The following DGCR2 variants were observed in gnomAD, a reference collection of about 807,000 sequenced individuals.
DGCR2 encodes the protein integral membrane protein DGCR2/IDD.
In DGCR2, 24 loss-of-function variants were observed where a neutral mutation model predicts 51.6. The ratio of observed to expected loss-of-function variants is 0.47; its 90% CI spans 0.34 to 0.65. The LOEUF is 0.65. Among genes scored for constraint, DGCR2 ranks in the 30% least tolerant of loss-of-function variants. DGCR2 has a pLI of 0.01. For missense variants in DGCR2, 765 were observed against 772.1 expected (o/e 0.99, Z 0.11); for synonymous variants, 340 against 315.4 (o/e 1.08, Z -0.82).
rs144845329 is a variant in DGCR2 at position 19,095,737 on chromosome 22, C to CTTTTT, written c.80-6252_80-6248dup. ...ATAAGTCAATTATACCTCAATAAGGCTTTTTTTAACTATCATGAAATAGAT... is the reference window on the plus strand; with the variant it reads ...ATAAGTCAATTATACCTCAATAAGGCTTTTTTTTTTTTAACTATCATGAAATAGAT... On this transcript the variant is annotated intron_variant, in intron 1 of 9. Coordinates refer to ENST00000263196, the MANE Select transcript of DGCR2 (RefSeq NM_005137.3). Among the ~76,000 whole-genome samples, 163 of 149,760 alleles carry CTTTTT rather than the reference C, an allele frequency of 1.1e-3. 2 individuals are homozygous for CTTTTT. The South Asian group carries it at 0.024, about 22-fold the overall frequency.
At chr22:19,118,785 ATT>A (rs2083400582) in intron 1 of DGCR2, among the ~76,000 whole-genome samples, 1 of 152,188 alleles carries the variant, frequency 6.6e-6, no homozygotes, top group East Asian at 1.9e-4. Flanking sequence ...TCATGATATA[ATT>A]TTGTTTCACA....
chr22:19,064,886 G>A lies in DGCR2; in HGVS notation c.510C>T (p.Asp170=). The A allele has an allele frequency of 6.2e-7, 1 of 1,613,910 alleles. No homozygotes were observed. Among genetic ancestry groups the A allele is most frequent in the Non-Finnish European group, 8.5e-7 (1 of 1,180,030 alleles). The change falls in exon 4 of 10, where the codon GAC becomes GAT. Residue 170 remains aspartate, a synonymous_variant. Coordinates refer to ENST00000263196, the MANE Select transcript of DGCR2 (RefSeq NM_005137.3). ...TCCAACCAAAGCTCCGCTCGGGCTG[G>A]TCCCATTCCTGGGCCAGGACAAAGC... is the stretch of plus-strand genomic sequence containing the variant. ...ELRFVLAQEW[D]QPERSFGWKD...
At chr22:19,084,293 G>A (rs867544535) in intron 2 of DGCR2, among the ~76,000 whole-genome samples, 17 of 151,324 alleles carry the variant, frequency 1.1e-4, no homozygotes, top group African/African-American at 1.7e-4. Context: ...CTGCCCGGCC[G>A]CCCATCATCT....
In DGCR2 at chr22:19,070,230, G is replaced by T. The variant is rs547421619; in HGVS notation, c.203-2005C>A. Reference sequence around the variant, plus strand: ...CCACTAGGATGGGGCATCAGCACTTGGTGGAGAAGGGAAGAGCCACCTGAG... The same window carrying T: ...CCACTAGGATGGGGCATCAGCACTTTGTGGAGAAGGGAAGAGCCACCTGAG... On this transcript the variant is annotated intron_variant, in intron 2 of 9. Transcript: ENST00000263196. Among the ~76,000 whole-genome samples the T allele has an allele frequency of 1.4e-4, 21 of 152,318 alleles. No individual in the cohort carries two copies. The South Asian group carries it at 3.5e-3, about 26-fold the overall frequency.
chr22:19,114,717 C>A (rs2083355524), intron 1 of DGCR2, among the ~76,000 whole-genome samples: 1 of 152,188 alleles, frequency 6.6e-6, no homozygotes, highest in Non-Finnish European at 1.5e-5. Context: ...GACTCCTGCC[C>A]CTCATCCAGT....
chr22:19,061,998 C>A (rs560412371), intron 5 of DGCR2, among the ~76,000 whole-genome samples: 47 of 152,300 alleles, frequency 3.1e-4, no homozygotes, highest in Admixed American at 5.2e-4. Flanking sequence ...AAGCATGAGG[C>A]CCCCAGTCCC....
rs900256110 is a variant in DGCR2, at chr22:19,038,197, G to C, written c.*668C>G. On this transcript the variant is annotated 3_prime_UTR_variant, in exon 10 of 10. Coordinates refer to ENST00000263196, the MANE Select transcript of DGCR2 (RefSeq NM_005137.3). ...CTGGGCTGCAGAGCCCAGATGGAAA[G>C]ACACAGTGAAGAGCTCAACCTCCTT... 6.6e-6 allele frequency: 1 copy of C among 152,642 alleles called. No individual in the cohort carries two copies. Among genetic ancestry groups the C allele is most frequent in the East Asian group, 1.9e-4 (1 of 5,198 alleles). 9.5% of individuals were successfully genotyped at this position (152,642 alleles called of 1,614,324 possible). A position where few individuals can be genotyped will look rare whatever the true frequency, so the allele number is the denominator to read the frequency against.
At chr22:19,083,430 G>A (rs1308430082) in intron 2 of DGCR2, among the ~76,000 whole-genome samples, 3 of 152,058 alleles carry the variant, frequency 2.0e-5, no homozygotes, top group Non-Finnish European at 2.9e-5. Flanking sequence ...TCAATACTAC[G>A]ACTTAATTCT....
chr22:19,042,963 G>A (rs1261816171), intron 7 of DGCR2, among the ~76,000 whole-genome samples: 1 of 151,124 alleles, frequency 6.6e-6, no homozygotes, highest in Non-Finnish European at 1.5e-5. Flanking sequence ...ACACAACACT[G>A]GGTCTCACAG....
chr22:19,079,535 T>C (rs2082913743), intron 2 of DGCR2, among the ~76,000 whole-genome samples: 1 of 152,232 alleles, frequency 6.6e-6, no homozygotes, highest in African/African-American at 2.4e-5. Context: ...ATTTTACCAA[T>C]GTCAGAATAC....
chr22:19,093,585 T>C (rs1000808657), intron 1 of DGCR2, among the ~76,000 whole-genome samples: 2 of 152,208 alleles, frequency 1.3e-5, no homozygotes, highest in African/African-American at 4.8e-5. Flanking sequence ...AGATAATGCA[T>C]AGACAAACCA....
chr22:19,073,015 G>C (rs2082833193), intron 2 of DGCR2, among the ~76,000 whole-genome samples: 1 of 152,196 alleles, frequency 6.6e-6, no homozygotes, highest in Non-Finnish European at 1.5e-5. Context: ...CCAACACTTT[G>C]GGAGGCTGAG....
chr22:19,100,675 A>AC (rs1356653943), intron 1 of DGCR2, among the ~76,000 whole-genome samples: 172 of 151,692 alleles, frequency 1.1e-3, no homozygotes, highest in Non-Finnish European at 1.8e-3. Flanking sequence ...AAAAAAAAAA[A>AC]AAAACCTGCC....
At chr22:19,066,834 G>A (rs542445499) in intron 3 of DGCR2, among the ~76,000 whole-genome samples, 1 of 152,208 alleles carries the variant, frequency 6.6e-6, no homozygotes, top group African/African-American at 2.4e-5. Flanking sequence ...GACAGGCAAG[G>A]GGAAGGAAGA....
intron 7 of DGCR2, among the ~76,000 whole-genome samples, chr22:19,043,418 C>G (rs1329776017): frequency 2.0e-5 from 3 of 152,110 alleles, no homozygotes; most frequent in African/African-American, 4.8e-5. Context: ...TGAGTGGTAG[C>G]AGGCATGAAA....
chr22:19,069,893 T>C (rs1048272942), intron 2 of DGCR2, among the ~76,000 whole-genome samples: 13 of 152,144 alleles, frequency 8.5e-5, no homozygotes, highest in African/African-American at 3.1e-4. Flanking sequence ...AAATATAAAA[T>C]ATGCTACCTG....
chr22:19,042,629 A>T (rs2082445735), intron 7 of DGCR2, among the ~76,000 whole-genome samples: 1 of 152,176 alleles, frequency 6.6e-6, no homozygotes, highest in South Asian at 2.1e-4. Context: ...GGAGTAGCAT[A>T]GGGCATCAGG....
chr22:19,040,988 G>T, intron 9 of DGCR2, 70 bp downstream of exon 9: 1 of 1,365,652 alleles, frequency 7.3e-7, no homozygotes. Context: ...AGCTGGGCAA[G>T]AGTGCTGGGC....
intron 2 of DGCR2, among the ~76,000 whole-genome samples, chr22:19,087,949 T>C (rs1052032142): frequency 6.6e-6 from 1 of 152,154 alleles, no homozygotes; most frequent in Non-Finnish European, 1.5e-5. Context: ...CCTCCCAAAG[T>C]GTTGGGTTAC....
Sources: gnomAD v4.1 joint callset for allele counts (sites outside exome capture counted in the v4.1 genomes callset) on GRCh38, gnomAD v4.1.1 for gene constraint, MANE v1.5 for transcripts, NCBI Gene and HGNC (gene_info 2026-07-23, HGNC 2026-07-21) for gene names.